The following STK3 variants were observed in gnomAD, a reference collection of about 807,000 sequenced individuals.
STK3 encodes serine/threonine kinase 3.
In STK3, 41 loss-of-function variants were observed where a neutral mutation model predicts 58.0. The ratio of observed to expected loss-of-function variants is 0.71; its 90% CI spans 0.55 to 0.92. The LOEUF is 0.92. Ranked by LOEUF, STK3 falls within the 40% of genes least tolerant of loss-of-function variation. The pLI is 0.00. For missense variants in STK3, 479 were observed against 602.7 expected, an observed-to-expected ratio of 0.79 and a Z score of 2.15; for synonymous variants, 170 against 191.0, an observed-to-expected ratio of 0.89 and a Z score of 0.91.
chr8:98,710,789 T>A (rs545828632), intron 4 of STK3, among the ~76,000 whole-genome samples: 3 of 151,960 alleles, frequency 2.0e-5, no homozygotes, highest in Non-Finnish European at 4.4e-5. Context: ...TTGAAGAGAG[T>A]AGTGGTTCTC....
chr8:98,741,897 A>G (rs1343106208), intron 4 of STK3, among the ~76,000 whole-genome samples: 3 of 152,226 alleles, frequency 2.0e-5, no homozygotes, highest in Admixed American at 6.5e-5. Flanking sequence ...GATAAAGGGG[A>G]TATCACGACC....
chr8:98,772,878 G>A (rs915672218), intron 2 of STK3, among the ~76,000 whole-genome samples: 7 of 152,032 alleles, frequency 4.6e-5, no homozygotes, highest in South Asian at 2.1e-4. Context: ...CTGCAGAACC[G>A]TGAGCCAATT....
At chr8:98,707,347 GCCA>G in intron 4 of STK3, 36 bp from the exon 5 acceptor site, 1 of 1,414,912 alleles carries the variant, frequency 7.1e-7, no homozygotes, top group Non-Finnish European at 9.5e-7. Flanking sequence ...TAATTAAAAT[GCCA>G]CGTTAGATAA....
intron 9 of STK3, among the ~76,000 whole-genome samples, chr8:98,536,944 T>C (rs1253217817): frequency 6.6e-6 from 1 of 152,214 alleles, no homozygotes; most frequent in Non-Finnish European, 1.5e-5. Flanking sequence ...ATTATAGTTT[T>C]AAAGGTTTTT....
At chr8:98,571,330 C>CA in intron 8 of STK3, among the ~76,000 whole-genome samples, 1 of 151,324 alleles carries the variant, frequency 6.6e-6, no homozygotes, top group Middle Eastern at 3.4e-3. Flanking sequence ...GACTCCATCT[C>CA]AAAGAAAAAA....
At chr8:98,500,169 G>A (rs1054120605) in intron 10 of STK3, among the ~76,000 whole-genome samples, 62 of 29,802 alleles carry the variant, frequency 2.1e-3, no homozygotes, top group Non-Finnish European at 2.8e-3. Context: ...AAAAGGTCAT[G>A]TGACCAAAAA....
chr8:98,515,454 C>T (rs545559112), intron 10 of STK3, among the ~76,000 whole-genome samples: 15 of 152,222 alleles, frequency 9.9e-5, no homozygotes, highest in African/African-American at 2.4e-4. Context: ...CCCCGCACCT[C>T]GGCCTGCTCC....
intron 3 of STK3, among the ~76,000 whole-genome samples, chr8:98,861,587 A>G (rs1836940520): frequency 6.6e-6 from 1 of 151,960 alleles, no homozygotes; most frequent in Admixed American, 6.6e-5. Flanking sequence ...AGCTTGGGCA[A>G]TCCGCCCACC....
downstream of STK3, among the ~76,000 whole-genome samples, chr8:98,450,541 AG>A (rs1819152195): frequency 2.0e-5 from 3 of 152,236 alleles, no homozygotes; most frequent in South Asian, 6.2e-4. Flanking sequence ...TTCTGATGCC[AG>A]GCTCCTTCCG....
intron 6 of STK3, among the ~76,000 whole-genome samples, chr8:98,636,016 A>G (rs1242170790): frequency 1.3e-5 from 2 of 152,120 alleles, no homozygotes; most frequent in African/African-American, 4.8e-5. Flanking sequence ...TCCCTAATAC[A>G]ACCCTTCCTA....
intron 10 of STK3, among the ~76,000 whole-genome samples, chr8:98,520,947 C>A (rs1187248757): frequency 6.6e-6 from 1 of 152,106 alleles, no homozygotes; most frequent in Admixed American, 6.6e-5. Context: ...TCTCTCTTTG[C>A]CCCTCTTACA....
chr8:98,905,122 C>T (rs962900887), intron 1 of STK3: 9 of 1,444,052 alleles, frequency 6.2e-6, no homozygotes, highest in Non-Finnish European at 8.7e-6. Flanking sequence ...GCCACACGAC[C>T]CGTACGATCT....
In STK3 at chr8:98,455,627, A is replaced by G. The variant is rs921010057; in HGVS notation, c.*215T>C. On this transcript the variant is annotated 3_prime_UTR_variant, in exon 11 of 11. Coordinates refer to ENST00000419617, the MANE Select transcript of STK3 (RefSeq NM_006281.4). ...TGCAGCTGACAGAACAAGAGAATAC[A>G]CTTCTTTTGTTCTCCTCATCTTAGA... is the stretch of plus-strand genomic sequence containing the variant. 5 of 575,094 alleles carry G rather than the reference A, an allele frequency of 8.7e-6. No individual in the cohort carries two copies. Among genetic ancestry groups the G allele is most frequent in the South Asian group, 2.2e-5 (1 of 46,302 alleles). 35.6% of individuals were successfully genotyped at this position (575,094 alleles called of 1,614,324 possible). A position where few individuals can be genotyped will look rare whatever the true frequency, so the allele number is the denominator to read the frequency against.
At chr8:98,559,226 G>A (rs1216906678) in intron 8 of STK3, among the ~76,000 whole-genome samples, 1 of 152,042 alleles carries the variant, frequency 6.6e-6, no homozygotes, top group East Asian at 1.9e-4. Flanking sequence ...TTATACACGT[G>A]TTTCTTGATT....
chr8:98,397,523 G>A (rs1477006346), downstream of STK3, among the ~76,000 whole-genome samples: 4 of 152,130 alleles, frequency 2.6e-5, no homozygotes, highest in Admixed American at 6.5e-5. Flanking sequence ...GCAACAGAGT[G>A]AGACCTTGTC....
Position 98,526,732 on chromosome 8 carries a change from A to G in STK3, c.1317+10T>C. Reference sequence around the variant, plus strand: ...AGAAAACATAAATTGAAGAATTAAAATGTACTTACAAAGTCAAAGTCTCCA... The same window carrying G: ...AGAAAACATAAATTGAAGAATTAAAGTGTACTTACAAAGTCAAAGTCTCCA... On this transcript the variant is annotated intron_variant, in intron 10 of 10. Transcript: ENST00000419617. 1 of 1,536,270 alleles carries G rather than the reference A, an allele frequency of 6.5e-7. No homozygotes were observed. The highest frequency in any genetic ancestry group is 1.3e-5 in the South Asian group (1 of 78,010).
the STK3 span, among the ~76,000 whole-genome samples, chr8:98,361,500 T>C: frequency 8.3e-4 from 126 of 152,304 alleles, 1 homozygote; most frequent in African/African-American, 2.9e-3. Context: ...AATAATTTCA[T>C]GGTTGTTGAG....
At chr8:98,875,279 C>T (rs1837527279) in intron 3 of STK3, 1 of 152,104 alleles carries the variant, frequency 6.6e-6, no homozygotes, top group African/African-American at 2.4e-5. Context: ...GATGTTGGTA[C>T]CATAGAAGAC....
intron 10 of STK3, among the ~76,000 whole-genome samples, chr8:98,517,226 T>C (rs1825002959): frequency 6.6e-6 from 1 of 152,078 alleles, no homozygotes. Flanking sequence ...GAAAGGTGTT[T>C]CAACAACTGA....
Sources: gnomAD v4.1 joint callset for allele counts (sites outside exome capture counted in the v4.1 genomes callset) on GRCh38, gnomAD v4.1.1 for gene constraint, MANE v1.5 for transcripts, NCBI Gene and HGNC (gene_info 2026-07-23, HGNC 2026-07-21) for gene names.